Variants in KIAA1755 observed in about 807,000 individuals in gnomAD.
KIAA1755 encodes uncharacterized protein KIAA1755.
In KIAA1755, 68 loss-of-function variants were observed where a neutral mutation model predicts 91.7. The ratio of observed to expected loss-of-function variants is 0.74; its 90% CI spans 0.61 to 0.91. The LOEUF (loss-of-function observed/expected upper bound fraction) is 0.91, where lower values mean the gene tolerates loss of function less well. Ranked by LOEUF, KIAA1755 falls within the 40% of genes least tolerant of loss-of-function variation. The pLI, the probability that KIAA1755 is intolerant of heterozygous loss-of-function variation, is 0.00. For missense variants in KIAA1755, 1,535 were observed against 1,494.4 expected, an observed-to-expected ratio of 1.03 and a Z score of -0.45; for synonymous variants, 610 against 604.6, an observed-to-expected ratio of 1.01 and a Z score of -0.13.
Position 38,240,654 on chromosome 20 carries a change from G to A in KIAA1755, c.1477C>T (p.His493Tyr). Residue 493 changes from histidine to tyrosine, a missense_variant, in exon 3 of 14, where the codon CAC (histidine) becomes TAC (tyrosine). Transcript: ENST00000279024. ...CACAGGACTTTCCAGGGCCCATTGTGCTGGAGTGAGGCTTTCTCCGGGGTC... is the reference window on the plus strand; with the variant it reads ...CACAGGACTTTCCAGGGCCCATTGTACTGGAGTGAGGCTTTCTCCGGGGTC... ...SVTPEKASLQ[H>Y]NGPWKVLCSL... 6.5e-7 allele frequency: 1 copy of A among 1,535,318 alleles called. No homozygotes were observed. Among genetic ancestry groups the A allele is most frequent in the South Asian group, 1.3e-5 (1 of 77,176 alleles).
intron 1 of KIAA1755, among the ~76,000 whole-genome samples, chr20:38,251,913 TA>T (rs2076257326): frequency 1.3e-5 from 2 of 152,112 alleles, no homozygotes; most frequent in African/African-American, 2.4e-5. Context: ...TAAACAAATT[TA>T]AAGGGCACAG....
intron 10 of KIAA1755, among the ~76,000 whole-genome samples, chr20:38,220,705 G>T (rs995363925): frequency 6.6e-6 from 1 of 152,184 alleles, no homozygotes; most frequent in Non-Finnish European, 1.5e-5. Flanking sequence ...ACTTAACACA[G>T]TGCCCAGCGC....
chr20:38,217,565 G>A (rs2075572896), intron 12 of KIAA1755, 91 bp from the exon 13 acceptor site: 10 of 874,234 alleles, frequency 1.1e-5, no homozygotes, highest in East Asian at 2.7e-5. Flanking sequence ...CCTTGCTGGC[G>A]AGCCAGGAGA....
At chr20:38,216,828 G>C in intron 13 of KIAA1755, 1 of 471,614 alleles carries the variant, frequency 2.1e-6, no homozygotes, top group Non-Finnish European at 4.2e-6. Context: ...TCAGAAATGT[G>C]CACTCCCCTC....
chr20:38,222,322 G>A, intron 10 of KIAA1755, 127 bp downstream of exon 10: 2 of 960,376 alleles, frequency 2.1e-6, no homozygotes, highest in South Asian at 1.6e-5. Flanking sequence ...TACAGGCCCT[G>A]CAACTACTGC....
Position 38,217,445 on chromosome 20 carries a change from G to A in KIAA1755, c.2709C>T (p.Ser903=), listed in dbSNP as rs1220808591. 3.7e-6 allele frequency: 6 copies of A among 1,611,844 alleles called. No individual in the cohort carries two copies. The East Asian group carries it at 1.3e-4, about 36-fold the overall frequency. The part of the protein sequence containing the change: ...AAQYRRGLEL[S]KQAAQLGATA... ...TAGCTCCCAGCTGAGCGGCCTGCTT[G>A]GACAGCTCCAGGCCTCGGCGGTACT... Residue 903 remains serine, a synonymous_variant, in exon 13 of 14, where the codon TCC becomes TCT. Transcript: ENST00000279024.
Position 38,246,067 on chromosome 20 carries a change from G to A in KIAA1755, c.63C>T (p.Phe21=), listed in dbSNP as rs773620104. Residue 21 remains phenylalanine, a synonymous_variant, in exon 2 of 14, where the codon TTC becomes TTT. Transcript: ENST00000279024. ...CCAGGACGGTGGGTGCTGTGGCCTC[G>A]AAAGGAGGATAGAGGCCCGCCAGGG... ...QHALAGLYPP[F]EATAPTVLGQ... is the part of the protein sequence containing the mutation. 38 of 1,613,970 alleles carry A rather than the reference G, an allele frequency of 2.4e-5. No homozygotes were observed. In the East Asian group the frequency reaches 6.9e-4, roughly 29 times the overall value.
At chr20:38,258,209 T>TTC (rs2076373453) in intron 1 of KIAA1755, among the ~76,000 whole-genome samples, 2 of 152,212 alleles carry the variant, frequency 1.3e-5, no homozygotes, top group Admixed American at 1.3e-4. Flanking sequence ...CTTAGTTACT[T>TTC]TCTATTTATG....
chr20:38,221,439 G>A (rs990547629), intron 10 of KIAA1755, among the ~76,000 whole-genome samples: 1 of 152,114 alleles, frequency 6.6e-6, no homozygotes, highest in East Asian at 1.9e-4. Flanking sequence ...CTGCCCGTGC[G>A]TCCATCTGTG....
chr20:38,225,628 G>T, intron 8 of KIAA1755, 37 bp downstream of exon 8: 1 of 1,237,558 alleles, frequency 8.1e-7, no homozygotes, highest in Non-Finnish European at 1.2e-6. Context: ...AAGAGAAGGA[G>T]TGGGGGTCAG....
chr20:38,227,255 C>T lies in KIAA1755; in HGVS notation c.1966-15G>A, dbSNP rs1255138709. 1.2e-6 allele frequency: 2 copies of T among 1,606,404 alleles called. No homozygotes were observed. Among genetic ancestry groups the T allele is most frequent in the Non-Finnish European group, 8.5e-7 (1 of 1,173,560 alleles). On this transcript the variant is annotated splice_polypyrimidine_tract_variant and intron_variant, in intron 6 of 13. Transcript: ENST00000279024. Reference sequence around the variant, plus strand: ...GGGACCTGAGCCTGTCAAAGACAACCACTGCAGAGTTGCTCTGCCCAAGGC... The same window carrying T: ...GGGACCTGAGCCTGTCAAAGACAACTACTGCAGAGTTGCTCTGCCCAAGGC...
chr20:38,247,912 G>A (rs973903874), intron 1 of KIAA1755, among the ~76,000 whole-genome samples: 5 of 152,138 alleles, frequency 3.3e-5, no homozygotes, highest in African/African-American at 1.2e-4. Context: ...AACATAGTGA[G>A]ATCCCATCTC....
Position 38,217,363 on chromosome 20 carries a change from C to T in KIAA1755, c.2791G>A (p.Ala931Thr), listed in dbSNP as rs1245755907. 6.2e-7 allele frequency: 1 copy of T among 1,613,340 alleles called. No homozygotes were observed. Among genetic ancestry groups the T allele is most frequent in the South Asian group, 1.1e-5 (1 of 90,840 alleles). The change falls in exon 13 of 14, where the codon GCC becomes ACC. Residue 931 changes from alanine (A) to threonine (T), a missense_variant. By Grantham distance (58) the Ala-to-Thr change is moderately conservative (BLOSUM62 0). Transcript: ENST00000279024. ...RAEFPELAAF[A>T]STQRAFQAEL... is the part of the protein sequence containing the mutation. ...GCCTGGAAGGCCCGCTGGGTAGAGG[C>T]AAAGGCTGCCAGCTCTGGGAACTCT...
intron 1 of KIAA1755, among the ~76,000 whole-genome samples, chr20:38,257,603 C>G (rs1222755765): frequency 6.7e-6 from 1 of 148,396 alleles, no homozygotes; most frequent in African/African-American, 2.5e-5. Flanking sequence ...AAAAAAAAAC[C>G]TGAACGTGAC....
intron 1 of KIAA1755, among the ~76,000 whole-genome samples, chr20:38,249,343 T>C (rs1265504681): frequency 6.6e-6 from 1 of 151,926 alleles, no homozygotes; most frequent in Non-Finnish European, 1.5e-5. Flanking sequence ...CAAAGGGAGA[T>C]GAGAATAAAT....
Position 38,218,226 on chromosome 20 carries a change from C to A in KIAA1755, c.2679+18G>T, listed in dbSNP as rs1489739733. 1 of 1,614,118 alleles carries A rather than the reference C, an allele frequency of 6.2e-7. No individual in the cohort carries two copies. Among genetic ancestry groups the A allele is most frequent in the South Asian group, 1.1e-5 (1 of 91,084 alleles). Reference sequence around the variant, plus strand: ...CTCCATCTGCTCCAGTCCTGCTCCTCTGTTGTCTGGAACGCACTGCAGCCT... The same window carrying A: ...CTCCATCTGCTCCAGTCCTGCTCCTATGTTGTCTGGAACGCACTGCAGCCT... On this transcript the variant is annotated intron_variant, in intron 12 of 13. Transcript: ENST00000279024.
chr20:38,225,539 G>C lies in KIAA1755; in HGVS notation c.2169+126C>G, dbSNP rs927282731. On this transcript the variant is annotated intron_variant, in intron 8 of 13. Transcript: ENST00000279024. ...AATCATTTGACTCTGTACCTTCACTGTAAACATTTGTTGAGTGACCGTTTA... is the reference window on the plus strand; with the variant it reads ...AATCATTTGACTCTGTACCTTCACTCTAAACATTTGTTGAGTGACCGTTTA... The C allele has an allele frequency of 8.1e-5, 61 of 756,836 alleles. 1 individual carries two copies. The East Asian group carries it at 1.5e-3, about 19-fold the overall frequency. 46.9% of individuals were successfully genotyped at this position (756,836 alleles called of 1,614,324 possible).
chr20:38,228,616 G>T (rs947433671), intron 5 of KIAA1755, among the ~76,000 whole-genome samples: 2 of 152,178 alleles, frequency 1.3e-5, no homozygotes, highest in Admixed American at 6.5e-5. Flanking sequence ...TTCCCCCAGA[G>T]CCTGGCTTCT....
chr20:38,219,089 A>C (rs2075607110), intron 11 of KIAA1755, among the ~76,000 whole-genome samples: 1 of 152,174 alleles, frequency 6.6e-6, no homozygotes, highest in African/African-American at 2.4e-5. Flanking sequence ...CATCTTGTCC[A>C]GGGCCACACC....
Sources: gnomAD v4.1 joint callset for allele counts (sites outside exome capture counted in the v4.1 genomes callset) on GRCh38, gnomAD v4.1.1 for gene constraint, MANE v1.5 for transcripts, NCBI Gene and HGNC (gene_info 2026-07-23, HGNC 2026-07-21) for gene names.